Variants in ADAM12 observed in about 807,000 individuals in gnomAD.
ADAM12 encodes the protein disintegrin and metalloproteinase domain-containing protein 12.
Under a neutral mutation model 106.4 loss-of-function variants are expected in ADAM12, and 70 were observed. The observed-to-expected ratio is 0.66, with a 90% CI of 0.54 to 0.80. The LOEUF (loss-of-function observed/expected upper bound fraction) is 0.80, where lower values mean the gene tolerates loss of function less well. Among genes scored for constraint, ADAM12 ranks in the 30% least tolerant of loss-of-function variants. The probability of loss-of-function intolerance (pLI) is 0.00; values close to 1 mark genes in which losing one functional copy is unlikely to be tolerated. For synonymous variants in ADAM12, 420 were observed against 433.5 expected (o/e 0.97, Z 0.39); for missense variants, 1,010 against 1,171.9 (o/e 0.86, Z 2.02).
chr10:126,371,367 C>G lies in ADAM12; in HGVS notation c.88+16691G>C, dbSNP rs182195039. On this transcript the variant is annotated intron_variant, in intron 1 of 22. Coordinates refer to ENST00000448723, the MANE Select transcript of ADAM12 (RefSeq NM_001288973.2). ...AGCCCTTGGGTGTTGTCTGATCATG[C>G]ACTGAACTGAGTAAACATTTTAGAA... Among the ~76,000 whole-genome samples the G allele has an allele frequency of 5.3e-5, 8 of 152,342 alleles. No homozygotes were observed. In the East Asian group the frequency reaches 1.5e-3, roughly 29 times the overall value.
intron 1 of ADAM12, among the ~76,000 whole-genome samples, chr10:126,355,038 A>G (rs753548264): frequency 3.9e-5 from 6 of 152,220 alleles, no homozygotes; most frequent in Non-Finnish European, 8.8e-5. Context: ...TTGAAAGGTA[A>G]AAAATTTTTA....
At chr10:126,094,365 G>A (rs865852479) in intron 10 of ADAM12, among the ~76,000 whole-genome samples, 11 of 152,228 alleles carry the variant, frequency 7.2e-5, no homozygotes, top group Middle Eastern at 3.4e-3. Flanking sequence ...TATGCCGCAC[G>A]TATACATGTG....
chr10:126,246,255 G>A (rs927122790), intron 3 of ADAM12, among the ~76,000 whole-genome samples: 3 of 152,196 alleles, frequency 2.0e-5, no homozygotes, highest in Non-Finnish European at 4.4e-5. Context: ...ATATTGATCT[G>A]TGGATGTAAA....
intron 14 of ADAM12, among the ~76,000 whole-genome samples, chr10:126,057,769 G>A (rs1372957302): frequency 6.6e-6 from 1 of 152,194 alleles, no homozygotes; most frequent in African/African-American, 2.4e-5. Flanking sequence ...TGCTCTGGGA[G>A]CTTGGAGCAG....
At chr10:126,121,928 G>T (rs1469780940) in intron 5 of ADAM12, among the ~76,000 whole-genome samples, 1 of 151,990 alleles carries the variant, frequency 6.6e-6, no homozygotes, top group African/African-American at 2.4e-5. Context: ...TATTTAACTG[G>T]CTTACTCCAC....
chr10:126,218,863 A>AG lies in ADAM12; in HGVS notation c.260+60051dup, dbSNP rs1369971634. On this transcript the variant is annotated intron_variant, in intron 3 of 22. Transcript: ENST00000448723. ...TAGAGATGTCCGGGGTTATGATAAAAGTGAGACATTTAGATATTTGTGATA... is the reference window on the plus strand; with the variant it reads ...TAGAGATGTCCGGGGTTATGATAAAAGGTGAGACATTTAGATATTTGTGATA... 2.7e-4 allele frequency among the ~76,000 whole-genome samples: 41 copies of AG among 152,220 alleles called. 1 individual carries two copies. The highest frequency in any genetic ancestry group is 9.4e-4 in the African/African-American group (39 of 41,458).
chr10:126,135,852 C>T (rs776989219), intron 4 of ADAM12, among the ~76,000 whole-genome samples, 192 bp from the exon 5 acceptor site: 1 of 152,220 alleles, frequency 6.6e-6, no homozygotes, highest in Non-Finnish European at 1.5e-5. Flanking sequence ...GATTTACTTA[C>T]AGATTACCAA....
chr10:126,309,337 C>T (rs757328435), intron 2 of ADAM12, among the ~76,000 whole-genome samples: 1 of 152,170 alleles, frequency 6.6e-6, no homozygotes. Context: ...AGGGCAGAGA[C>T]AACAGAAAGA....
chr10:126,119,101 T>G (rs765052391), intron 5 of ADAM12, among the ~76,000 whole-genome samples: 12 of 152,318 alleles, frequency 7.9e-5, no homozygotes, highest in Non-Finnish European at 1.0e-4. Flanking sequence ...GGAACCCACT[T>G]AAGTACACAG....
At chr10:126,299,182 T>A (rs1203775663) in intron 2 of ADAM12, among the ~76,000 whole-genome samples, 1 of 152,198 alleles carries the variant, frequency 6.6e-6, no homozygotes, top group Non-Finnish European at 1.5e-5. Flanking sequence ...TACAACAGTT[T>A]AAACACAGCA....
At chr10:126,334,463 T>C (rs1457221322) in intron 1 of ADAM12, among the ~76,000 whole-genome samples, 1 of 152,126 alleles carries the variant, frequency 6.6e-6, no homozygotes. Flanking sequence ...ACATATTAGA[T>C]CGTTCATCTC....
intron 11 of ADAM12, among the ~76,000 whole-genome samples, chr10:126,077,234 C>T (rs1187027136): frequency 2.6e-5 from 4 of 152,122 alleles, no homozygotes; most frequent in East Asian, 1.9e-4. Context: ...CTACAAAACA[C>T]TGCTGAAAGA....
At chr10:126,044,171 T>C (rs1590328167) in intron 17 of ADAM12, among the ~76,000 whole-genome samples, 1 of 152,070 alleles carries the variant, frequency 6.6e-6, no homozygotes, top group East Asian at 1.9e-4. Context: ...GCACGGTGGC[T>C]CATGCCTGTA....
intron 3 of ADAM12, among the ~76,000 whole-genome samples, chr10:126,209,285 T>C (rs115720692): frequency 0.011 from 1,713 of 152,338 alleles, 37 homozygotes; most frequent in African/African-American, 0.04. Flanking sequence ...CATCCCTGAG[T>C]ATAAATTTTT....
chr10:126,179,920 TTC>T (rs1957283415), intron 3 of ADAM12, among the ~76,000 whole-genome samples: 1 of 152,198 alleles, frequency 6.6e-6, no homozygotes, highest in Non-Finnish European at 1.5e-5. Flanking sequence ...ACACCAATGC[TTC>T]TCCTAAGTCT....
chr10:126,036,123 T>C, intron 21 of ADAM12, 23 bp downstream of exon 21: 1 of 1,380,500 alleles, frequency 7.2e-7, no homozygotes, highest in Non-Finnish European at 9.4e-7. Flanking sequence ...CTACATCCTA[T>C]CATATTAGTA....
intron 3 of ADAM12, among the ~76,000 whole-genome samples, chr10:126,162,272 C>G (rs1676739): frequency 0.57 from 86,779 of 151,866 alleles, 25,344 homozygotes; most frequent in East Asian, 0.75. Flanking sequence ...GAATGAGCTG[C>G]GCTGGTGGGG....
intron 3 of ADAM12, among the ~76,000 whole-genome samples, chr10:126,186,639 G>T (rs904886213): frequency 6.6e-6 from 1 of 152,072 alleles, no homozygotes; most frequent in Non-Finnish European, 1.5e-5. Context: ...GGCCATAGAG[G>T]GGGGCAGGAA....
intron 3 of ADAM12, chr10:126,272,900 T>G: frequency 3.6e-6 from 1 of 277,674 alleles, no homozygotes; most frequent in East Asian, 1.2e-4. Context: ...TCTAGAAAAC[T>G]TGTTCTCTTG....
Sources: gnomAD v4.1 joint callset for allele counts (sites outside exome capture counted in the v4.1 genomes callset) on GRCh38, gnomAD v4.1.1 for gene constraint, MANE v1.5 for transcripts, NCBI Gene and HGNC (gene_info 2026-07-23, HGNC 2026-07-21) for gene names.